Variants in SHISA6 observed in about 807,000 individuals in gnomAD.
The protein encoded by SHISA6 is protein shisa-6.
SHISA6 carries 22 observed loss-of-function variants against 47.9 expected under a neutral mutation model. The ratio of observed to expected loss-of-function variants is 0.46; its 90% CI spans 0.33 to 0.66. The LOEUF (loss-of-function observed/expected upper bound fraction) is 0.66, where lower values mean the gene tolerates loss of function less well. SHISA6 is among the 30% of genes least tolerant of loss of function. SHISA6 has a pLI of 0.02. For synonymous variants in SHISA6, 388 were observed against 337.8 expected (o/e 1.15, Z -1.63); for missense variants, 680 against 764.6 (o/e 0.89, Z 1.30).
intron 3 of SHISA6, among the ~76,000 whole-genome samples, chr17:11,478,949 T>G (rs1212297050): frequency 6.6e-6 from 1 of 152,058 alleles, no homozygotes; most frequent in Non-Finnish European, 1.5e-5. Flanking sequence ...TTTTCCCAAT[T>G]CTGTGAAGAA....
At chr17:11,526,082 A>G (rs1002158686) in intron 3 of SHISA6, among the ~76,000 whole-genome samples, 15 of 149,728 alleles carry the variant, frequency 1.0e-4, no homozygotes, top group African/African-American at 3.5e-4. Context: ...AAAAGCACAC[A>G]TGATGGTGGC....
chr17:11,342,221 A>T (rs1448178453), intron 2 of SHISA6, among the ~76,000 whole-genome samples: 1 of 152,170 alleles, frequency 6.6e-6, no homozygotes, highest in Non-Finnish European at 1.5e-5. Flanking sequence ...ATGGAGCTGC[A>T]GCCTAAAACC....
Position 11,558,364 on chromosome 17 carries a change from C to A in SHISA6, c.*60C>A. On this transcript the variant is annotated 3_prime_UTR_variant, in exon 6 of 6. Coordinates refer to ENST00000441885, the MANE Select transcript of SHISA6 (RefSeq NM_207386.4). ...AGAGCAGAGCGGGGGCCGGGAGGGGCCAGGAGCAGAGCTTCTAGCCTTGCC... is the reference window on the plus strand; with the variant it reads ...AGAGCAGAGCGGGGGCCGGGAGGGGACAGGAGCAGAGCTTCTAGCCTTGCC... 6.8e-7 allele frequency: 1 copy of A among 1,479,768 alleles called. No individual in the cohort carries two copies. The highest frequency in any genetic ancestry group is 1.3e-5 in the South Asian group (1 of 76,846). The allele number at this position is 1,479,768 out of a possible 1,614,324, so 91.7% of individuals were successfully genotyped here. A position where few individuals can be genotyped will look rare whatever the true frequency, so the allele number is the denominator to read the frequency against.
intron 1 of SHISA6, among the ~76,000 whole-genome samples, chr17:11,256,570 A>G (rs1241385263): frequency 6.6e-6 from 1 of 152,192 alleles, no homozygotes; most frequent in Admixed American, 6.5e-5. Context: ...TGCACCTTGT[A>G]CACAGGTACA....
rs1907306213 is a variant in SHISA6, at chr17:11,241,215, G to A, written c.-208G>A. 2 of 151,754 alleles carry A rather than the reference G, an allele frequency of 1.3e-5. No individual in the cohort carries two copies. Among genetic ancestry groups the A allele is most frequent in the Non-Finnish European group, 2.8e-5 (2 of 70,882 alleles). 9.4% of individuals were successfully genotyped at this position (151,754 alleles called of 1,614,324 possible). On this transcript the variant is annotated 5_prime_UTR_variant, in exon 1 of 6. Coordinates refer to ENST00000441885, the MANE Select transcript of SHISA6 (RefSeq NM_207386.4). The surrounding 1 kb of genome is among the most constrained non-coding windows in gnomAD (Gnocchi z 5.5). ...AGCGCGGAGCCGGCGCGCAGCCTGA[G>A]AGCCCGAGCAGCCCGCGCCGGGCCG...
chr17:11,541,685 T>C (rs182107229), intron 3 of SHISA6, among the ~76,000 whole-genome samples: 5 of 152,328 alleles, frequency 3.3e-5, no homozygotes, highest in African/African-American at 1.2e-4. Flanking sequence ...GGATACAAAA[T>C]GTTCAACCTA....
chr17:11,521,067 T>G lies in SHISA6; in HGVS notation c.896-30829T>G, dbSNP rs2071625524. Among the ~76,000 whole-genome samples the G allele has an allele frequency of 1.3e-5, 2 of 152,210 alleles. 1 individual carries two copies. The highest frequency in any genetic ancestry group is 4.8e-5 in the African/African-American group (2 of 41,448). ...ACATTGTCATCATGGAACATGGTGC[T>G]TTGGATTTAAAGCTTGGGTTCAAAT... On this transcript the variant is annotated intron_variant, in intron 3 of 5. Coordinates refer to ENST00000441885, the MANE Select transcript of SHISA6 (RefSeq NM_207386.4).
intron 2 of SHISA6, among the ~76,000 whole-genome samples, chr17:11,319,828 C>A (rs1304131831): frequency 1.3e-5 from 2 of 152,196 alleles, no homozygotes; most frequent in Non-Finnish European, 2.9e-5. Flanking sequence ...TGTTCTTTTC[C>A]TTATCAGTTC....
At chr17:11,387,300 G>T (rs750948507) in intron 3 of SHISA6, among the ~76,000 whole-genome samples, 3 of 152,086 alleles carry the variant, frequency 2.0e-5, no homozygotes, top group Non-Finnish European at 4.4e-5. Context: ...GAAAGTTCAG[G>T]GGCTAAATGC....
At chr17:11,508,274 G>A (rs1006357110) in intron 3 of SHISA6, among the ~76,000 whole-genome samples, 1 of 152,168 alleles carries the variant, frequency 6.6e-6, no homozygotes, top group African/African-American at 2.4e-5. Context: ...CACTGTTCTG[G>A]AGTTTGGAAG....
intron 3 of SHISA6, among the ~76,000 whole-genome samples, chr17:11,453,833 T>C (rs1186990026): frequency 6.6e-6 from 1 of 152,190 alleles, no homozygotes; most frequent in Non-Finnish European, 1.5e-5. Flanking sequence ...TCCATTAATA[T>C]GACATTCTGG....
intron 2 of SHISA6, among the ~76,000 whole-genome samples, chr17:11,304,095 C>G (rs1023948039): frequency 6.6e-6 from 1 of 152,136 alleles, no homozygotes; most frequent in African/African-American, 2.4e-5. Context: ...TCCTGGGAAG[C>G]TTTGGGTAGT....
intron 2 of SHISA6, among the ~76,000 whole-genome samples, chr17:11,360,638 G>T (rs572471976): frequency 6.6e-6 from 1 of 151,932 alleles, no homozygotes; most frequent in African/African-American, 2.4e-5. Flanking sequence ...CCGGGGGTAG[G>T]GGGCAAGGGA....
intron 3 of SHISA6, among the ~76,000 whole-genome samples, chr17:11,507,342 C>G (rs1231331842): frequency 6.6e-6 from 1 of 152,080 alleles, no homozygotes; most frequent in Non-Finnish European, 1.5e-5. Flanking sequence ...TTTCTTGGCC[C>G]CGATGATGTA....
intron 2 of SHISA6, among the ~76,000 whole-genome samples, chr17:11,323,384 G>A (rs1304491154): frequency 6.6e-6 from 1 of 152,132 alleles, no homozygotes; most frequent in Non-Finnish European, 1.5e-5. Flanking sequence ...GCCGGGCACG[G>A]TGGCTCACAC....
At chr17:11,432,768 C>A (rs1914820131) in intron 3 of SHISA6, among the ~76,000 whole-genome samples, 1 of 151,434 alleles carries the variant, frequency 6.6e-6, no homozygotes, top group Non-Finnish European at 1.5e-5. Context: ...ACACATTATG[C>A]AAAGTGAAAG....
intron 3 of SHISA6, among the ~76,000 whole-genome samples, chr17:11,487,144 C>T (rs1916370531): frequency 6.6e-6 from 1 of 152,152 alleles, no homozygotes; most frequent in South Asian, 2.1e-4. Context: ...ACACAGGCAC[C>T]CCTGTTCACA....
At chr17:11,313,442 A>G (rs1910401456) in intron 2 of SHISA6, among the ~76,000 whole-genome samples, 1 of 152,224 alleles carries the variant, frequency 6.6e-6, no homozygotes, top group Admixed American at 6.5e-5. Flanking sequence ...AGAAAAGCGA[A>G]CAAGATGGAT....
intron 3 of SHISA6, among the ~76,000 whole-genome samples, chr17:11,433,117 A>G (rs1006454745): frequency 2.7e-4 from 41 of 152,208 alleles, no homozygotes; most frequent in Admixed American, 1.3e-3. Flanking sequence ...GTTCTGGGGT[A>G]CATGCGCAGA....
Sources: gnomAD v4.1 joint callset for allele counts (sites outside exome capture counted in the v4.1 genomes callset) on GRCh38, gnomAD v4.1.1 for gene constraint, Gnocchi (gnomAD v3.1) non-coding constraint, MANE v1.5 for transcripts, NCBI Gene and HGNC (gene_info 2026-07-23, HGNC 2026-07-21) for gene names.